The following INTS4 variants were observed in gnomAD, a reference collection of about 807,000 sequenced individuals.
INTS4 encodes integrator complex subunit 4.
Under a neutral mutation model 119.5 loss-of-function variants are expected in INTS4, and 70 were observed. The observed-to-expected ratio is 0.59, with a 90% CI of 0.48 to 0.71. INTS4 has a LOEUF of 0.71. Ranked by LOEUF, INTS4 falls within the 30% of genes least tolerant of loss-of-function variation. INTS4 has a pLI of 0.00. For missense variants in INTS4, 867 were observed against 1,173.2 expected (o/e 0.74, Z 3.81); for synonymous variants, 316 against 419.6 (o/e 0.75, Z 3.02).
intron 15 of INTS4, among the ~76,000 whole-genome samples, chr11:77,910,714 G>T (rs183352258): frequency 0.014 from 2,157 of 151,854 alleles, 44 homozygotes; most frequent in African/African-American, 0.048. Context: ...CCCTTCCTAC[G>T]CCTGTGCCCT....
chr11:77,985,726 A>G (rs993511299), intron 2 of INTS4, among the ~76,000 whole-genome samples: 1 of 152,218 alleles, frequency 6.6e-6, no homozygotes, highest in Non-Finnish European at 1.5e-5. Context: ...TGAGCAAATG[A>G]AAAAATAAGC....
At chr11:77,931,899 G>A (rs973806534) in intron 10 of INTS4, among the ~76,000 whole-genome samples, 2 of 152,134 alleles carry the variant, frequency 1.3e-5, no homozygotes, top group African/African-American at 4.8e-5. Context: ...GCAGAAAACT[G>A]AAACTGGATC....
Position 77,984,534 on chromosome 11 carries a change from G to A in INTS4, c.247-2958C>T, listed in dbSNP as rs558900011. ...AAAAAAGGTAGATGGTGGTTGCCAG[G>A]GGCTGGAGGTGGGGGTGATGGAGGA... On this transcript the variant is annotated intron_variant, in intron 2 of 22. Transcript: ENST00000534064. Among the ~76,000 whole-genome samples, 160 of 151,518 alleles carry A rather than the reference G, an allele frequency of 1.1e-3. 1 individual carries two copies. The highest frequency in any genetic ancestry group is 3.8e-3 in the African/African-American group (156 of 41,354).
intron 17 of INTS4, among the ~76,000 whole-genome samples, chr11:77,903,061 C>T (rs1207902371): frequency 1.6e-4 from 25 of 152,190 alleles, no homozygotes; most frequent in African/African-American, 4.6e-4. Flanking sequence ...TGAGCCACCG[C>T]GCCCGGCCCA....
rs1953159707 is a variant in INTS4, at chr11:77,914,413, C to A, written c.1922+4408G>T. On this transcript the variant is annotated intron_variant, in intron 15 of 22. Coordinates refer to ENST00000534064, the MANE Select transcript of INTS4 (RefSeq NM_033547.4). ...AATGTTTATTTAGGTGGGGATGAGT[C>A]AGGAAGTAGACTGTATTTTACTGGG... Among the ~76,000 whole-genome samples the A allele has an allele frequency of 2.0e-5, 3 of 152,202 alleles. No homozygotes were observed. In the South Asian group the frequency reaches 6.2e-4, roughly 32 times the overall value.
At chr11:77,966,070 G>T (rs1855492372) in intron 4 of INTS4, among the ~76,000 whole-genome samples, 1 of 152,166 alleles carries the variant, frequency 6.6e-6, no homozygotes, top group African/African-American at 2.4e-5. Context: ...GCTTAGTGAT[G>T]TTGTACACTT....
intron 8 of INTS4, among the ~76,000 whole-genome samples, chr11:77,948,589 G>C (rs1365391867): frequency 6.7e-6 from 1 of 149,490 alleles, no homozygotes; most frequent in Non-Finnish European, 1.5e-5. Flanking sequence ...GAAGGTTGCA[G>C]TGAGTTGAGA....
At chr11:77,978,174 G>A (rs770010345) in intron 4 of INTS4, 6 of 152,128 alleles carry the variant, frequency 3.9e-5, no homozygotes, top group Non-Finnish European at 7.3e-5. Context: ...TTATAGGTGT[G>A]AGCCACCGCA....
downstream of INTS4, among the ~76,000 whole-genome samples, chr11:77,875,574 A>T (rs1047848217): frequency 6.6e-6 from 1 of 152,186 alleles, no homozygotes; most frequent in Non-Finnish European, 1.5e-5. Flanking sequence ...GATTCTTCCA[A>T]TTGCTGTTAT....
intron 8 of INTS4, among the ~76,000 whole-genome samples, chr11:77,948,873 A>G (rs1016256826): frequency 2.6e-5 from 4 of 152,196 alleles, no homozygotes; most frequent in Non-Finnish European, 5.9e-5. Context: ...AACACACTTC[A>G]CAAGCAAGAA....
Position 77,921,412 on chromosome 11 carries a change from C to A in INTS4, c.1692G>T (p.Leu564Phe). The change falls in exon 14 of 23, where the codon TTG (leucine) becomes TTT (phenylalanine). Residue 564 changes from leucine (L) to phenylalanine (F), a missense_variant. Coordinates refer to ENST00000534064, the MANE Select transcript of INTS4 (RefSeq NM_033547.4). ...AAKTCPTMPA[L>F]FSDHTFRHYA... ...AGTGCCTGAAGGTGTGATCTGAGAA[C>A]AATGCTGGCATTGTTGGACAGGTTT... 1 of 1,611,260 alleles carries A rather than the reference C, an allele frequency of 6.2e-7. No homozygotes were observed. Among genetic ancestry groups the A allele is most frequent in the Non-Finnish European group, 8.5e-7 (1 of 1,177,488 alleles).
intron 12 of INTS4, among the ~76,000 whole-genome samples, chr11:77,924,073 G>A (rs1953434072): frequency 6.7e-6 from 1 of 149,472 alleles, no homozygotes; most frequent in South Asian, 2.1e-4. Flanking sequence ...CCAATTTAGT[G>A]CACCTTCTAA....
chr11:77,883,434 G>A (rs867188753), intron 22 of INTS4, among the ~76,000 whole-genome samples: 17 of 152,242 alleles, frequency 1.1e-4, no homozygotes, highest in South Asian at 4.1e-4. Flanking sequence ...CTAATTTGTA[G>A]GTTGAGAATT....
chr11:77,927,115 T>C (rs1304607685), intron 11 of INTS4, among the ~76,000 whole-genome samples: 1 of 151,884 alleles, frequency 6.6e-6, no homozygotes, highest in Non-Finnish European at 1.5e-5. Flanking sequence ...ACATTGAAGG[T>C]AAAATTGTGA....
intron 14 of INTS4, among the ~76,000 whole-genome samples, chr11:77,919,241 T>A (rs1476265346): frequency 6.6e-6 from 1 of 151,714 alleles, no homozygotes; most frequent in Non-Finnish European, 1.5e-5. Context: ...TTTCTATTGC[T>A]AACTGAAATA....
chr11:77,878,180 GT>G (rs751503064), downstream of INTS4, among the ~76,000 whole-genome samples: 11 of 151,984 alleles, frequency 7.2e-5, no homozygotes, highest in South Asian at 4.1e-4. Flanking sequence ...GGCTAACATG[GT>G]GAAACCCCGT....
chr11:77,948,265 A>C (rs1274449226), intron 8 of INTS4, among the ~76,000 whole-genome samples: 1 of 152,254 alleles, frequency 6.6e-6, no homozygotes, highest in Non-Finnish European at 1.5e-5. Flanking sequence ...GGTAAACAAC[A>C]AGAAAGGAAG....
chr11:77,966,232 G>GT (rs910089621), intron 4 of INTS4, among the ~76,000 whole-genome samples: 1 of 151,970 alleles, frequency 6.6e-6, no homozygotes, highest in Non-Finnish European at 1.5e-5. Context: ...TACACATTTT[G>GT]TTTTTTTACC....
At chr11:77,933,623 T>G (rs1953715055) in intron 10 of INTS4, among the ~76,000 whole-genome samples, 1 of 152,192 alleles carries the variant, frequency 6.6e-6, no homozygotes, top group South Asian at 2.1e-4. Flanking sequence ...GTGCCGAGAT[T>G]GCAGCCTCTG....
Sources: allele counts gnomAD v4.1 joint callset (sites outside exome capture counted in the v4.1 genomes callset), GRCh38; gene constraint gnomAD v4.1.1; transcripts MANE v1.5; gene names NCBI Gene and HGNC (gene_info 2026-07-23, HGNC 2026-07-21).